ANO4: variants seen among roughly 807,000 people sequenced by gnomAD.
ANO4 encodes the protein anoctamin 4, also known as anoctamin-4.
In ANO4, 69 loss-of-function variants were observed where a neutral mutation model predicts 141.9. The ratio of observed to expected loss-of-function variants is 0.49; its 90% CI spans 0.40 to 0.59. The LOEUF (loss-of-function observed/expected upper bound fraction) is 0.59. Among genes scored for constraint, ANO4 ranks in the 20% least tolerant of loss-of-function variants. ANO4 has a pLI of 0.00. For synonymous variants in ANO4, 350 were observed against 394.3 expected (o/e 0.89, Z 1.33); for missense variants, 894 against 1,162.2 (o/e 0.77, Z 3.36).
chr12:100,976,936 T>C (rs1401218085), intron 7 of ANO4, among the ~76,000 whole-genome samples: 1 of 152,182 alleles, frequency 6.6e-6, no homozygotes, highest in Non-Finnish European at 1.5e-5. Context: ...AATTGCCAAG[T>C]CAGCAAAGTC....
intron 18 of ANO4, among the ~76,000 whole-genome samples, chr12:101,095,621 C>T (rs2049951181): frequency 6.6e-6 from 1 of 152,284 alleles, no homozygotes; most frequent in South Asian, 2.1e-4. Flanking sequence ...CAGACATGCT[C>T]CCTAAAAGCA....
At chr12:100,842,608 A>C (rs1297483651) in intron 1 of ANO4, among the ~76,000 whole-genome samples, 2 of 152,106 alleles carry the variant, frequency 1.3e-5, no homozygotes, top group Non-Finnish European at 2.9e-5. Context: ...GGGTAATATA[A>C]AGATAATAGA....
At chr12:101,004,157 G>A (rs1017787459) in intron 8 of ANO4, among the ~76,000 whole-genome samples, 1 of 151,516 alleles carries the variant, frequency 6.6e-6, no homozygotes, top group Admixed American at 6.6e-5. Context: ...TGTGGGGGAA[G>A]TGAAGAACTA....
At chr12:100,849,668 C>T (rs903587719) in intron 1 of ANO4, among the ~76,000 whole-genome samples, 9 of 152,028 alleles carry the variant, frequency 5.9e-5, no homozygotes, top group East Asian at 1.9e-4. Flanking sequence ...TTTAGGTGAC[C>T]GTTTTAAATT....
intron 22 of ANO4, among the ~76,000 whole-genome samples, chr12:101,102,325 C>T (rs928978896): frequency 1.3e-5 from 2 of 152,096 alleles, no homozygotes; most frequent in Non-Finnish European, 2.9e-5. Context: ...TGGGCTGTGC[C>T]AGTTTATACT....
At chr12:100,978,517 T>C (rs1400469741) in intron 7 of ANO4, among the ~76,000 whole-genome samples, 2 of 152,222 alleles carry the variant, frequency 1.3e-5, no homozygotes, top group Non-Finnish European at 2.9e-5. Context: ...TCTCTGGAGA[T>C]AGTAAACTCC....
intron 5 of ANO4, among the ~76,000 whole-genome samples, chr12:100,942,813 T>C (rs1035741855): frequency 1.1e-4 from 16 of 152,196 alleles, no homozygotes; most frequent in South Asian, 2.1e-4. Context: ...ACTTCCTACG[T>C]CTGCCATTTC....
At chr12:101,030,364 C>G (rs2046927171) in intron 9 of ANO4, among the ~76,000 whole-genome samples, 1 of 152,294 alleles carries the variant, frequency 6.6e-6, no homozygotes, top group Non-Finnish European at 1.5e-5. Flanking sequence ...GAACAACTCG[C>G]TCCTGAATGA....
intron 3 of ANO4, among the ~76,000 whole-genome samples, chr12:100,741,091 G>A (rs576919359): frequency 1.3e-3 from 199 of 152,308 alleles, no homozygotes; most frequent in Admixed American, 2.8e-3. Flanking sequence ...TGCAGAAATG[G>A]CCATGCAAGG....
rs370425212 is a variant in ANO4 at position 101,072,632 on chromosome 12, G to GT, written c.1313-6560dup. On this transcript the variant is annotated intron_variant, in intron 14 of 27. Transcript: ENST00000392977. Reference sequence around the variant, plus strand: ...AAGAGCTTCTGCACAGCAAAAGAAAGTAACATCAGAGTGAACAGGCAACCT... The same window carrying GT: ...AAGAGCTTCTGCACAGCAAAAGAAAGTTAACATCAGAGTGAACAGGCAACCT... 5.0e-3 allele frequency among the ~76,000 whole-genome samples: 766 copies of GT among 152,138 alleles called. 9 individuals carry two copies. The highest frequency in any genetic ancestry group is 8.6e-3 in the Non-Finnish European group (587 of 67,972).
intron 1 of ANO4, among the ~76,000 whole-genome samples, chr12:100,888,946 T>C (rs1340735710): frequency 6.6e-6 from 1 of 151,900 alleles, no homozygotes; most frequent in Non-Finnish European, 1.5e-5. Flanking sequence ...TTGTTACATA[T>C]GTATGCATGT....
chr12:101,025,548 A>G (rs2046699213), intron 9 of ANO4, among the ~76,000 whole-genome samples: 1 of 152,250 alleles, frequency 6.6e-6, no homozygotes, highest in African/African-American at 2.4e-5. Context: ...TGATCAGTGC[A>G]TACATGTCCG....
At chr12:101,094,831 T>TAA (rs142336019) in intron 18 of ANO4, among the ~76,000 whole-genome samples, 13 of 150,892 alleles carry the variant, frequency 8.6e-5, no homozygotes, top group African/African-American at 3.2e-4. Flanking sequence ...ACAAAAAAAT[T>TAA]AAAAAATTAG....
rs141118697 is a variant in ANO4 at position 101,042,896 on chromosome 12, G to T, written c.1154+428G>T. ...AGTATCTTGGGAGCGGTTCAGTGTC[G>T]ATGACCATTATCTTGGTTGTCTCAC... On this transcript the variant is annotated intron_variant, in intron 12 of 27. Coordinates refer to ENST00000392977, the MANE Select transcript of ANO4 (RefSeq NM_001286615.2). Among the ~76,000 whole-genome samples the T allele has an allele frequency of 3.2e-3, 494 of 152,232 alleles. 1 individual carries two copies. Among genetic ancestry groups the T allele is most frequent in the Middle Eastern group, 0.02 (6 of 294 alleles).
intron 8 of ANO4, among the ~76,000 whole-genome samples, chr12:101,013,148 G>C (rs2046170527): frequency 6.6e-6 from 1 of 152,106 alleles, no homozygotes; most frequent in African/African-American, 2.4e-5. Context: ...GGGAAGAACA[G>C]GTTTTTCCTT....
chr12:100,895,995 G>A (rs2040331412), intron 1 of ANO4, among the ~76,000 whole-genome samples: 1 of 152,136 alleles, frequency 6.6e-6, no homozygotes, highest in African/African-American at 2.4e-5. Flanking sequence ...TGGGAGGCAT[G>A]ACATGGGGAG....
chr12:100,928,694 T>C (rs2041972480), intron 3 of ANO4, among the ~76,000 whole-genome samples: 1 of 152,168 alleles, frequency 6.6e-6, no homozygotes, highest in Non-Finnish European at 1.5e-5. Context: ...AAGATTGAAT[T>C]AGGCACATAG....
chr12:100,947,959 G>A (rs932331089), intron 5 of ANO4, among the ~76,000 whole-genome samples: 29 of 151,974 alleles, frequency 1.9e-4, no homozygotes, highest in Middle Eastern at 6.8e-3. Context: ...CAAGGCGGGC[G>A]GATCACGAGG....
chr12:101,123,040 A>G (rs958340093), intron 26 of ANO4, among the ~76,000 whole-genome samples: 3 of 152,222 alleles, frequency 2.0e-5, no homozygotes, highest in Non-Finnish European at 4.4e-5. Context: ...GACTCTAGTC[A>G]TAAGTGGAAA....
Sources: gnomAD v4.1 joint callset for allele counts (sites outside exome capture counted in the v4.1 genomes callset) on GRCh38, gnomAD v4.1.1 for gene constraint, MANE v1.5 for transcripts, NCBI Gene and HGNC (gene_info 2026-07-23, HGNC 2026-07-21) for gene names.